GPATCH2: variants seen among roughly 807,000 people sequenced by gnomAD.
The protein encoded by GPATCH2 is G patch domain-containing protein 2.
GPATCH2 carries 51 observed loss-of-function variants against 58.0 expected under a neutral mutation model. The observed-to-expected ratio is 0.88, with a 90% CI of 0.70 to 1.11. The LOEUF is 1.11. Among genes scored for constraint, GPATCH2 ranks in the 50% most tolerant of loss-of-function variants. GPATCH2 has a pLI of 0.00. For missense variants in GPATCH2, 625 were observed against 652.2 expected, an observed-to-expected ratio of 0.96 and a Z score of 0.45; for synonymous variants, 222 against 218.5, an observed-to-expected ratio of 1.02 and a Z score of -0.14.
chr1:217,608,534 G>T, intron 5 of GPATCH2: 1 of 984,504 alleles, frequency 1.0e-6, no homozygotes, highest in Non-Finnish European at 1.2e-6. Flanking sequence ...CAGTGAGATT[G>T]CAATAAGCCT....
intron 5 of GPATCH2, among the ~76,000 whole-genome samples, chr1:217,562,704 G>A (rs569858207): frequency 7.4e-4 from 112 of 152,216 alleles, no homozygotes; most frequent in African/African-American, 2.6e-3. Context: ...CACAGGGTTT[G>A]CTTAGTATCA....
Position 217,608,824 on chromosome 1 carries a change from T to C in GPATCH2, c.1098+1497A>G, listed in dbSNP as rs140112959. The stretch of plus-strand genomic sequence containing the variant: ...ACTTACAATTACCAACACCACACTA[T>C]TGTACCTTTAAATATGCAAAGGTAA... On this transcript the variant is annotated intron_variant, in intron 5 of 9. Transcript: ENST00000366935. 593 of 985,016 alleles carry C rather than the reference T, an allele frequency of 6.0e-4. 3 individuals carry two copies. The African/African-American group carries it at 6.2e-3, about 10-fold the overall frequency. 61.0% of individuals were successfully genotyped at this position (985,016 alleles called of 1,614,324 possible). A position where few individuals can be genotyped will look rare whatever the true frequency, so the allele number is the denominator to read the frequency against.
At chr1:217,596,168 C>T (rs1046823083) in intron 5 of GPATCH2, among the ~76,000 whole-genome samples, 7 of 142,234 alleles carry the variant, frequency 4.9e-5, no homozygotes, top group African/African-American at 2.2e-4. Flanking sequence ...ATAAAACACA[C>T]TTACAGTTCA....
At chr1:217,552,585 T>C (rs1272788295) in intron 5 of GPATCH2, among the ~76,000 whole-genome samples, 2 of 152,156 alleles carry the variant, frequency 1.3e-5, no homozygotes, top group Non-Finnish European at 1.5e-5. Context: ...GAACGAATGG[T>C]CAGGCCCCAA....
intron 9 of GPATCH2, among the ~76,000 whole-genome samples, chr1:217,436,850 T>C (rs1658858499): frequency 6.6e-6 from 1 of 152,164 alleles, no homozygotes; most frequent in African/African-American, 2.4e-5. Flanking sequence ...CTTAGGACAT[T>C]TGATCCCAAA....
At chr1:217,525,675 A>C (rs948023365) in intron 5 of GPATCH2, among the ~76,000 whole-genome samples, 3 of 152,184 alleles carry the variant, frequency 2.0e-5, no homozygotes, top group African/African-American at 7.2e-5. Flanking sequence ...ATGCATATTG[A>C]AGCTTAATAC....
rs570535941 is a variant in GPATCH2 at position 217,439,110 on chromosome 1, C to T, written c.1367-7745G>A. On this transcript the variant is annotated intron_variant, in intron 9 of 9. Coordinates refer to ENST00000366935, the MANE Select transcript of GPATCH2 (RefSeq NM_018040.5). ...ATCGCACTTATTCTAAAATTGACCA[C>T]GTAATTGGAAGTACAACACTCCTCA... Among the ~76,000 whole-genome samples, 17 of 152,214 alleles carry T rather than the reference C, an allele frequency of 1.1e-4. No homozygotes were observed. The South Asian group carries it at 1.5e-3, about 13-fold the overall frequency.
At chr1:217,535,915 A>G (rs1664438015) in intron 5 of GPATCH2, among the ~76,000 whole-genome samples, 1 of 152,274 alleles carries the variant, frequency 6.6e-6, no homozygotes, top group African/African-American at 2.4e-5. Flanking sequence ...AATTTCTTTT[A>G]ACTTTGCCCA....
chr1:217,432,957 C>G (rs1277687216), intron 9 of GPATCH2, among the ~76,000 whole-genome samples: 5 of 152,150 alleles, frequency 3.3e-5, no homozygotes, highest in Non-Finnish European at 5.9e-5. Flanking sequence ...TAGCATATTT[C>G]TGCTCTGAAA....
At chr1:217,538,018 A>C (rs1664560007) in intron 5 of GPATCH2, among the ~76,000 whole-genome samples, 1 of 152,214 alleles carries the variant, frequency 6.6e-6, no homozygotes, top group East Asian at 1.9e-4. Context: ...AAATAAGTAC[A>C]AAACTATTCT....
At chr1:217,578,835 G>A (rs1257206717) in intron 5 of GPATCH2, among the ~76,000 whole-genome samples, 2 of 152,138 alleles carry the variant, frequency 1.3e-5, no homozygotes, top group Non-Finnish European at 2.9e-5. Flanking sequence ...GTATATCAAT[G>A]AACTTGGAGT....
chr1:217,620,588 G>A (rs569808236), intron 1 of GPATCH2, 89 bp from the exon 2 acceptor site: 23 of 755,840 alleles, frequency 3.0e-5, no homozygotes, highest in African/African-American at 2.3e-4. Flanking sequence ...TTCTAAATTC[G>A]ACAAAAATTA....
chr1:217,547,319 C>T (rs58560600), intron 5 of GPATCH2, among the ~76,000 whole-genome samples: 3,971 of 151,158 alleles, frequency 0.026, 108 homozygotes, highest in East Asian at 0.11. Flanking sequence ...GCAGAGATCG[C>T]GCCACTGCAC....
intron 1 of GPATCH2, among the ~76,000 whole-genome samples, chr1:217,627,438 TG>T (rs1669523004): frequency 1.3e-5 from 2 of 152,022 alleles, no homozygotes; most frequent in Admixed American, 1.3e-4. Context: ...GAAGACTCTA[TG>T]GAGCTAAAAA....
intron 5 of GPATCH2, among the ~76,000 whole-genome samples, chr1:217,557,922 A>G (rs1665725463): frequency 6.6e-6 from 1 of 152,240 alleles, no homozygotes; most frequent in South Asian, 2.1e-4. Flanking sequence ...TTAACAAGTT[A>G]ATAAGCTGAA....
At chr1:217,565,141 G>A (rs1666154491) in intron 5 of GPATCH2, among the ~76,000 whole-genome samples, 1 of 152,112 alleles carries the variant, frequency 6.6e-6, no homozygotes, top group Non-Finnish European at 1.5e-5. Context: ...TTTAGTCACT[G>A]AATTATTCAC....
intron 5 of GPATCH2, among the ~76,000 whole-genome samples, chr1:217,582,063 A>G (rs1290958284): frequency 3.3e-5 from 5 of 152,216 alleles, no homozygotes; most frequent in Admixed American, 3.3e-4. Flanking sequence ...TAAAAAGTAA[A>G]AGTAATATGA....
chr1:217,470,249 T>G (rs1660656293), intron 8 of GPATCH2, among the ~76,000 whole-genome samples: 1 of 152,186 alleles, frequency 6.6e-6, no homozygotes, highest in East Asian at 1.9e-4. Flanking sequence ...TGGAACAGCT[T>G]TCACATGCTA....
At chr1:217,533,647 T>C (rs1664315676) in intron 5 of GPATCH2, among the ~76,000 whole-genome samples, 1 of 152,222 alleles carries the variant, frequency 6.6e-6, no homozygotes, top group Admixed American at 6.5e-5. Context: ...ATGGCAAATA[T>C]GAAATAAAGC....
Sources: gnomAD v4.1 joint callset for allele counts (sites outside exome capture counted in the v4.1 genomes callset) on GRCh38, gnomAD v4.1.1 for gene constraint, MANE v1.5 for transcripts, NCBI Gene and HGNC (gene_info 2026-07-23, HGNC 2026-07-21) for gene names.